Variants in KIRREL3 observed in about 807,000 individuals in gnomAD.
The protein encoded by KIRREL3 is kirre like nephrin family adhesion molecule 3, also known as kin of IRRE-like protein 3.
Under a neutral mutation model 89.7 loss-of-function variants are expected in KIRREL3, and 36 were observed. That is an observed-to-expected ratio of 0.40 (90% CI 0.31 to 0.53). The LOEUF is 0.53. Ranked by LOEUF, KIRREL3 falls within the 20% of genes least tolerant of loss-of-function variation. The pLI is 0.49. For synonymous variants in KIRREL3, 445 were observed against 441.4 expected, an observed-to-expected ratio of 1.01 and a Z score of -0.10; for missense variants, 864 against 1,056.6, an observed-to-expected ratio of 0.82 and a Z score of 2.53.
rs558508232 is a variant in KIRREL3, at chr11:126,510,859, A to G, written c.433+10456T>C. 8.5e-5 allele frequency among the ~76,000 whole-genome samples: 13 copies of G among 152,310 alleles called. No individual in the cohort carries two copies. In the South Asian group the frequency reaches 2.7e-3, roughly 32 times the overall value. On this transcript the variant is annotated intron_variant, in intron 4 of 16. Transcript: ENST00000525144. ...GATTGGGTCTGGTGCTGCTGGAGAT[A>G]CTGACTGCTCAACTCTCTCTCTGCT...
intron 4 of KIRREL3, among the ~76,000 whole-genome samples, chr11:126,488,012 G>A (rs1020808478): frequency 2.0e-5 from 3 of 152,252 alleles, no homozygotes; most frequent in South Asian, 2.1e-4. Flanking sequence ...GTCTTCTTTC[G>A]CTCCATCACT....
At position 126,424,968 on chromosome 11, in the gene KIRREL3, G is replaced by T; in HGVS notation, c.1949C>A (p.Pro650Gln). Residue 650 changes from proline to glutamine, a missense_variant, in exon 17 of 17, where the codon CCG becomes CAG. Pro to Gln is a moderately conservative substitution (Grantham distance 76). Coordinates refer to ENST00000525144, the MANE Select transcript of KIRREL3 (RefSeq NM_032531.4). ...VNTFKEHHSTPTISLSSCQPD... is the reference protein window; with the variant it reads ...VNTFKEHHSTQTISLSSCQPD... Reference sequence around the variant, plus strand: ...CTGGCAGCTGGAGAGGGAGATGGTCGGGGTTGAGTGGTGCTCTTTGAAGGT... The same window carrying T: ...CTGGCAGCTGGAGAGGGAGATGGTCTGGGTTGAGTGGTGCTCTTTGAAGGT... 6.3e-7 allele frequency: 1 copy of T among 1,579,170 alleles called. No homozygotes were observed. Among genetic ancestry groups the T allele is most frequent in the East Asian group, 2.2e-5 (1 of 44,452 alleles).
chr11:126,899,185 G>T (rs926154819), intron 1 of KIRREL3, among the ~76,000 whole-genome samples: 4 of 151,620 alleles, frequency 2.6e-5, no homozygotes, highest in Middle Eastern at 3.4e-3. Flanking sequence ...ATATATATAT[G>T]TTTCTCATTT....
At chr11:126,856,323 A>G (rs191429651) in intron 1 of KIRREL3, among the ~76,000 whole-genome samples, 159 of 152,274 alleles carry the variant, frequency 1.0e-3, no homozygotes, top group African/African-American at 3.8e-3. Context: ...TGGAACGGGG[A>G]ACAAGTGAAG....
At position 126,544,468 on chromosome 11, in the gene KIRREL3, C is replaced by T. The variant is rs964373695; in HGVS notation, c.134-17781G>A. On this transcript the variant is annotated intron_variant, in intron 2 of 16. Transcript: ENST00000525144. This position sits in a 1 kb window ranked among gnomAD's most constrained non-coding sequence, Gnocchi z 5.6. Reference sequence around the variant, plus strand: ...TCTTCTCTTTGTTTTGCAGAGTTGGCTGGCAGACTGCTTCCTTCCCTTGAT... The same window carrying T: ...TCTTCTCTTTGTTTTGCAGAGTTGGTTGGCAGACTGCTTCCTTCCCTTGAT... 6.6e-6 allele frequency among the ~76,000 whole-genome samples: 1 copy of T among 152,162 alleles called. No homozygotes were observed. The highest frequency in any genetic ancestry group is 6.5e-5 in the Admixed American group (1 of 15,280).
intron 1 of KIRREL3, chr11:126,988,449 T>C (rs1047914168): frequency 6.5e-6 from 1 of 152,838 alleles, no homozygotes; most frequent in Admixed American, 6.5e-5. Flanking sequence ...GGCTTGCTGA[T>C]GGTCACACGG....
intron 1 of KIRREL3, among the ~76,000 whole-genome samples, chr11:126,585,345 T>G (rs1033302629): frequency 6.7e-5 from 10 of 150,056 alleles, no homozygotes; most frequent in Middle Eastern, 3.5e-3. Flanking sequence ...GTGATTCTTT[T>G]GCCACAGCCT....
rs1169962233 is a variant in KIRREL3 at position 126,906,460 on chromosome 11, C to G, written c.55+93995G>C. Among the ~76,000 whole-genome samples the G allele has an allele frequency of 6.6e-6, 1 of 152,142 alleles. No homozygotes were observed. The highest frequency in any genetic ancestry group is 2.4e-5 in the African/African-American group (1 of 41,414). On this transcript the variant is annotated intron_variant, in intron 1 of 16. Coordinates refer to ENST00000525144, the MANE Select transcript of KIRREL3 (RefSeq NM_032531.4). The surrounding 1 kb of genome is among the most constrained non-coding windows in gnomAD (Gnocchi z 4.1). The stretch of plus-strand genomic sequence containing the variant: ...TACTCCCAAAGAGACATGTTACAGC[C>G]CCTACCAGATGGCAAGAACCTTGAA...
At position 126,996,899 on chromosome 11, in the gene KIRREL3, A is replaced by G. The variant is rs1565488095; in HGVS notation, c.55+3556T>C. Among the ~76,000 whole-genome samples the G allele has an allele frequency of 6.6e-6, 1 of 152,234 alleles. No individual in the cohort carries two copies. Among genetic ancestry groups the G allele is most frequent in the Admixed American group, 6.5e-5 (1 of 15,292 alleles). Reference sequence around the variant, plus strand: ...CAACCACAGAATCACAAGGCAGGACAGGACGCTCTAGGAATGCCAGAGCAA... The same window carrying G: ...CAACCACAGAATCACAAGGCAGGACGGGACGCTCTAGGAATGCCAGAGCAA... On this transcript the variant is annotated intron_variant, in intron 1 of 16. Transcript: ENST00000525144. This position sits in a 1 kb window ranked among gnomAD's most constrained non-coding sequence, Gnocchi z 4.7.
intron 1 of KIRREL3, among the ~76,000 whole-genome samples, chr11:126,984,438 G>A (rs1347467633): frequency 6.6e-6 from 1 of 152,094 alleles, no homozygotes; most frequent in Non-Finnish European, 1.5e-5. Context: ...TTGACAGGGG[G>A]GCAGACGGAC....
In KIRREL3 at chr11:126,909,024, T is replaced by C. The variant is rs761623834; in HGVS notation, c.55+91431A>G. Among the ~76,000 whole-genome samples the C allele has an allele frequency of 1.4e-4, 22 of 152,212 alleles. No individual in the cohort carries two copies. The highest frequency in any genetic ancestry group is 2.8e-4 in the Non-Finnish European group (19 of 68,040). On this transcript the variant is annotated intron_variant, in intron 1 of 16. Coordinates refer to ENST00000525144, the MANE Select transcript of KIRREL3 (RefSeq NM_032531.4). This position sits in a 1 kb window ranked among gnomAD's most constrained non-coding sequence, Gnocchi z 4.5. The stretch of plus-strand genomic sequence containing the variant: ...ATTTAAAGTTGTTATGTTAAATTTG[T>C]GTTATTTTTTATTGTTGATTTGTAT...
At chr11:126,781,257 G>A (rs897076052) in intron 1 of KIRREL3, among the ~76,000 whole-genome samples, 2 of 152,246 alleles carry the variant, frequency 1.3e-5, no homozygotes, top group African/African-American at 4.8e-5. Flanking sequence ...CTACAAGGGG[G>A]AGATGAGTTG....
chr11:126,491,775 C>T lies in KIRREL3; in HGVS notation c.434-18309G>A, dbSNP rs1462491780. Among the ~76,000 whole-genome samples, 2 of 151,996 alleles carry T rather than the reference C, an allele frequency of 1.3e-5. No individual in the cohort carries two copies. Among genetic ancestry groups the T allele is most frequent in the African/African-American group, 2.4e-5 (1 of 41,356 alleles). On this transcript the variant is annotated intron_variant, in intron 4 of 16. Transcript: ENST00000525144. This position sits in a 1 kb window ranked among gnomAD's most constrained non-coding sequence, Gnocchi z 5.5. ...GGAGTTCAGTGGCATGATCTCGGCT[C>T]ACTGCAACCTCCACCTCCCAGGTTC...
In KIRREL3 at chr11:126,582,620, G is replaced by C. The variant is rs556806855; in HGVS notation, c.56-19708C>G. On this transcript the variant is annotated intron_variant, in intron 1 of 16. Transcript: ENST00000525144. ...CTTAGCTGCAGGTCAGGTGGGGAAG[G>C]GGTGAGAACTGAGTTCAGAAGACTG... Among the ~76,000 whole-genome samples, 3 of 152,304 alleles carry C rather than the reference G, an allele frequency of 2.0e-5. No individual in the cohort carries two copies. In the East Asian group the frequency reaches 5.8e-4, roughly 29 times the overall value.
Position 126,562,793 on chromosome 11 carries a change from C to A in KIRREL3, c.133+42G>T. 3 of 1,523,842 alleles carry A rather than the reference C, an allele frequency of 2.0e-6. No individual in the cohort carries two copies. The highest frequency in any genetic ancestry group is 2.7e-6 in the Non-Finnish European group (3 of 1,098,200). The allele number at this position is 1,523,842 out of a possible 1,614,324, so 94.4% of individuals were successfully genotyped here. The stretch of plus-strand genomic sequence containing the variant: ...TGTGGCTGTAGGGGAGAGCTTCCTC[C>A]CTCCAGATTACTCCCGAGACAATGG... On this transcript the variant is annotated intron_variant, in intron 2 of 16. Transcript: ENST00000525144. This position sits in a 1 kb window ranked among gnomAD's most constrained non-coding sequence, Gnocchi z 4.7.
chr11:126,533,551 T>G (rs1448790598), intron 2 of KIRREL3, among the ~76,000 whole-genome samples: 4 of 152,216 alleles, frequency 2.6e-5, no homozygotes, highest in Admixed American at 2.6e-4. Flanking sequence ...TCACCTTCTT[T>G]AGCTCCCTGA....
rs1950231820 is a variant in KIRREL3, at chr11:126,778,418, C to T, written c.56-215506G>A. On this transcript the variant is annotated intron_variant, in intron 1 of 16. Transcript: ENST00000525144. The surrounding 1 kb of genome is among the most constrained non-coding windows in gnomAD (Gnocchi z 4.5). ...ACATCTTTCTATGTCCATAAATACA[C>T]TTCCACACCATAGCATTTAATGTCT... 6.6e-6 allele frequency among the ~76,000 whole-genome samples: 1 copy of T among 152,214 alleles called. No homozygotes were observed. Among genetic ancestry groups the T allele is most frequent in the Non-Finnish European group, 1.5e-5 (1 of 68,018 alleles).
chr11:126,464,955 C>A (rs142362331), intron 5 of KIRREL3, among the ~76,000 whole-genome samples: 1 of 152,190 alleles, frequency 6.6e-6, no homozygotes, highest in Non-Finnish European at 1.5e-5. Context: ...AATGTCATTC[C>A]GAAGCTAGTT....
chr11:126,590,183 G>A (rs1281187381), intron 1 of KIRREL3, among the ~76,000 whole-genome samples: 2 of 152,118 alleles, frequency 1.3e-5, no homozygotes, highest in East Asian at 3.8e-4. Context: ...TAACTACCTT[G>A]GTTATTCGTT....
Sources: gnomAD v4.1 joint callset for allele counts (sites outside exome capture counted in the v4.1 genomes callset) on GRCh38, gnomAD v4.1.1 for gene constraint, Gnocchi (gnomAD v3.1) non-coding constraint, MANE v1.5 for transcripts, NCBI Gene and HGNC (gene_info 2026-07-23, HGNC 2026-07-21) for gene names.